The following AIG1 variants were observed in gnomAD, a reference collection of about 807,000 sequenced individuals.
The protein encoded by AIG1 is androgen-induced gene 1 protein.
Under a neutral mutation model 31.4 loss-of-function variants are expected in AIG1, and 23 were observed. That is an observed-to-expected ratio of 0.73 (90% CI 0.53 to 1.04). The LOEUF (loss-of-function observed/expected upper bound fraction) is 1.04. Among genes scored for constraint, AIG1 ranks in the 50% least tolerant of loss-of-function variants. AIG1 has a pLI of 0.00. For missense variants in AIG1, 274 were observed against 295.0 expected, an observed-to-expected ratio of 0.93 and a Z score of 0.52; for synonymous variants, 100 against 110.5, an observed-to-expected ratio of 0.90 and a Z score of 0.60.
intron 1 of AIG1, among the ~76,000 whole-genome samples, chr6:143,127,493 A>T (rs1365054119): frequency 1.3e-5 from 2 of 152,208 alleles, no homozygotes; most frequent in Non-Finnish European, 2.9e-5. Flanking sequence ...GTCACTGGGG[A>T]TATGGCCAAA....
At chr6:143,315,941 G>T (rs570380014) in intron 4 of AIG1, among the ~76,000 whole-genome samples, 19 of 152,124 alleles carry the variant, frequency 1.2e-4, no homozygotes, top group Non-Finnish European at 1.9e-4. Context: ...ATTGTAAGAG[G>T]ACTGAAGCCA....
rs1344993358 is a variant in AIG1, at chr6:143,293,264, T to C, written c.515+9039T>C. Reference sequence around the variant, plus strand: ...TTTATCCTCTGTTCTTCATACGGGCTTTGGTCCTACTTTACAGCATGTGTG... The same window carrying C: ...TTTATCCTCTGTTCTTCATACGGGCCTTGGTCCTACTTTACAGCATGTGTG... On this transcript the variant is annotated intron_variant, in intron 4 of 5. Coordinates refer to ENST00000357847, the MANE Select transcript of AIG1 (RefSeq NM_016108.4). This position sits in a 1 kb window ranked among gnomAD's most constrained non-coding sequence, Gnocchi z 4.8. Among the ~76,000 whole-genome samples, 4 of 152,202 alleles carry C rather than the reference T, an allele frequency of 2.6e-5. No individual in the cohort carries two copies. Among genetic ancestry groups the C allele is most frequent in the Non-Finnish European group, 5.9e-5 (4 of 68,040 alleles).
intron 1 of AIG1, among the ~76,000 whole-genome samples, chr6:143,125,323 C>A (rs1342851415): frequency 2.0e-5 from 3 of 152,158 alleles, no homozygotes; most frequent in Non-Finnish European, 2.9e-5. Flanking sequence ...AGGTTAGGCA[C>A]TTAAAAGCAT....
intron 3 of AIG1, among the ~76,000 whole-genome samples, chr6:143,167,688 T>C (rs954407392): frequency 1.3e-5 from 2 of 152,192 alleles, no homozygotes; most frequent in Admixed American, 1.3e-4. Flanking sequence ...AAACTCTTAC[T>C]CCTGGAGACA....
At chr6:143,323,027 G>C (rs758756252) in intron 4 of AIG1, among the ~76,000 whole-genome samples, 1 of 152,134 alleles carries the variant, frequency 6.6e-6, no homozygotes, top group Non-Finnish European at 1.5e-5. Flanking sequence ...AAGGTAGGCT[G>C]TATGGTTTAT....
chr6:143,162,525 C>T (rs886819560), intron 2 of AIG1, among the ~76,000 whole-genome samples: 1 of 152,172 alleles, frequency 6.6e-6, no homozygotes, highest in Non-Finnish European at 1.5e-5. Flanking sequence ...CCCTGCTGCA[C>T]CAGTGTGTAC....
At chr6:143,181,601 A>G (rs1434753970) in intron 3 of AIG1, among the ~76,000 whole-genome samples, 3 of 152,218 alleles carry the variant, frequency 2.0e-5, no homozygotes, top group Non-Finnish European at 4.4e-5. Flanking sequence ...ACTTTTGGCT[A>G]TTGCCAATGA....
chr6:143,315,203 C>T (rs752356822), intron 4 of AIG1, among the ~76,000 whole-genome samples: 9 of 151,946 alleles, frequency 5.9e-5, no homozygotes, highest in Admixed American at 2.0e-4. Flanking sequence ...AAAAGTATAT[C>T]GGGGTAAATG....
intron 1 of AIG1, among the ~76,000 whole-genome samples, chr6:143,071,268 G>A (rs1777230116): frequency 6.6e-6 from 1 of 152,154 alleles, no homozygotes; most frequent in South Asian, 2.1e-4. Flanking sequence ...TGTATCAGTA[G>A]TTCGTTCCTT....
At chr6:143,193,388 C>T (rs970722165) in intron 3 of AIG1, among the ~76,000 whole-genome samples, 5 of 152,152 alleles carry the variant, frequency 3.3e-5, no homozygotes, top group African/African-American at 1.2e-4. Flanking sequence ...TGACTTTCAC[C>T]ACCCTGAGCC....
intron 3 of AIG1, among the ~76,000 whole-genome samples, chr6:143,246,313 G>A (rs1338154757): frequency 3.9e-5 from 6 of 151,930 alleles, no homozygotes; most frequent in Non-Finnish European, 1.5e-5. Context: ...GTTCCACGTG[G>A]CTAGGAAGGC....
rs1796281303 is a variant in AIG1, at chr6:143,268,221, T to C, written c.400-15889T>C. Among the ~76,000 whole-genome samples the C allele has an allele frequency of 6.6e-6, 1 of 152,006 alleles. No individual in the cohort carries two copies. Among genetic ancestry groups the C allele is most frequent in the Non-Finnish European group, 1.5e-5 (1 of 68,004 alleles). ...AAGGAGGAATAAAACCAAAGGTTGG[T>C]TGTGTGATCTACATGTGGAGCTCAG... On this transcript the variant is annotated intron_variant, in intron 3 of 5. Transcript: ENST00000357847. This position sits in a 1 kb window ranked among gnomAD's most constrained non-coding sequence, Gnocchi z 5.0.
At position 143,280,902 on chromosome 6, in the gene AIG1, G is replaced by A. The variant is rs1797302792; in HGVS notation, c.400-3208G>A. Among the ~76,000 whole-genome samples, 1 of 152,124 alleles carries A rather than the reference G, an allele frequency of 6.6e-6. No homozygotes were observed. Among genetic ancestry groups the A allele is most frequent in the Non-Finnish European group, 1.5e-5 (1 of 68,030 alleles). On this transcript the variant is annotated intron_variant, in intron 3 of 5. Coordinates refer to ENST00000357847, the MANE Select transcript of AIG1 (RefSeq NM_016108.4). This position sits in a 1 kb window ranked among gnomAD's most constrained non-coding sequence, Gnocchi z 4.1. ...AGTTAAAAAAAAGTTCTGACTTTAT[G>A]CTAGCTAATGTTATTGTTTATTATT...
intron 3 of AIG1, among the ~76,000 whole-genome samples, chr6:143,220,910 A>G (rs140952526): frequency 1.4e-3 from 217 of 152,300 alleles, no homozygotes; most frequent in African/African-American, 5.1e-3. Flanking sequence ...TATAACAAAC[A>G]CAGTGAATCT....
At chr6:143,144,535 A>C (rs1784556345) in intron 2 of AIG1, among the ~76,000 whole-genome samples, 2 of 152,216 alleles carry the variant, frequency 1.3e-5, no homozygotes, top group Admixed American at 1.3e-4. Flanking sequence ...AGAAATAATG[A>C]CATCTAAGCT....
chr6:143,270,468 G>T (rs1796438085), intron 3 of AIG1, among the ~76,000 whole-genome samples: 2 of 152,186 alleles, frequency 1.3e-5, no homozygotes, highest in African/African-American at 2.4e-5. Flanking sequence ...ACAATGCTTT[G>T]TGTTGAAAGT....
chr6:143,108,627 G>A (rs946653303), intron 1 of AIG1, among the ~76,000 whole-genome samples: 1 of 152,036 alleles, frequency 6.6e-6, no homozygotes, highest in African/African-American at 2.4e-5. Flanking sequence ...ACTTGCCTTC[G>A]CCAGTTTTCA....
At chr6:143,218,789 T>C (rs781125786) in intron 3 of AIG1, among the ~76,000 whole-genome samples, 16 of 152,252 alleles carry the variant, frequency 1.1e-4, no homozygotes, top group Non-Finnish European at 1.9e-4. Context: ...TTTATTATCT[T>C]CCTGAACCTC....
intron 3 of AIG1, among the ~76,000 whole-genome samples, chr6:143,273,895 GT>G (rs1212451030): frequency 6.6e-6 from 1 of 152,112 alleles, no homozygotes; most frequent in Non-Finnish European, 1.5e-5. Context: ...AACCATATCA[GT>G]TTCCAAAATA....
Sources: allele counts gnomAD v4.1 joint callset (sites outside exome capture counted in the v4.1 genomes callset), GRCh38; gene constraint gnomAD v4.1.1; non-coding constraint Gnocchi (gnomAD v3.1); transcripts MANE v1.5; gene names NCBI Gene and HGNC (gene_info 2026-07-23, HGNC 2026-07-21).